BAALC: variants seen among roughly 807,000 people sequenced by gnomAD.
The protein encoded by BAALC is BAALC binder of MAP3K1 and KLF4.
BAALC carries 9 observed loss-of-function variants against 15.5 expected under a neutral mutation model. That is an observed-to-expected ratio of 0.58 (90% CI 0.35 to 1.02). BAALC has a LOEUF of 1.02. Ranked by LOEUF, BAALC falls within the 50% of genes least tolerant of loss-of-function variation. BAALC has a pLI of 0.02. For synonymous variants in BAALC, 80 were observed against 74.6 expected, an observed-to-expected ratio of 1.07 and a Z score of -0.37; for missense variants, 201 against 192.4, an observed-to-expected ratio of 1.04 and a Z score of -0.27.
chr8:103,154,809 T>C (rs974097676), intron 1 of BAALC: 5 of 154,480 alleles, frequency 3.2e-5, no homozygotes, highest in African/African-American at 9.6e-5. Flanking sequence ...TCTCTGCTAT[T>C]ATACTGTATA....
At chr8:103,172,637 C>T (rs1260091087) in intron 1 of BAALC, among the ~76,000 whole-genome samples, 5 of 151,922 alleles carry the variant, frequency 3.3e-5, no homozygotes, top group East Asian at 3.9e-4. Flanking sequence ...TCAGGTGGTC[C>T]CCCTGCCTCA....
At chr8:103,176,137 C>T (rs545330120) in intron 1 of BAALC, among the ~76,000 whole-genome samples, 84 of 152,222 alleles carry the variant, frequency 5.5e-4, no homozygotes, top group Non-Finnish European at 9.6e-4. Context: ...TGTGTGTGCA[C>T]GCTGATCAAG....
intron 1 of BAALC, among the ~76,000 whole-genome samples, chr8:103,190,413 T>C (rs566735402): frequency 6.6e-6 from 1 of 152,296 alleles, no homozygotes; most frequent in African/African-American, 2.4e-5. Context: ...ACCATGGTAA[T>C]AGGTCTAGCC....
chr8:103,200,761 T>G (rs1490194060), intron 1 of BAALC: 1 of 691,734 alleles, frequency 1.4e-6, no homozygotes, highest in East Asian at 2.7e-5. Context: ...TGTTCTCACA[T>G]GGTGGGTCAA....
At chr8:103,224,115 CTGTG>C (rs4002031) in intron 2 of BAALC, among the ~76,000 whole-genome samples, 34,194 of 150,730 alleles carry the variant, frequency 0.23, 4,016 homozygotes, top group Middle Eastern at 0.33. Context: ...CTGCGTGCGT[CTGTG>C]TGTGTGTGTG....
At chr8:103,154,939 T>A (rs72507595) in intron 1 of BAALC, among the ~76,000 whole-genome samples, 8 of 112,888 alleles carry the variant, frequency 7.1e-5, no homozygotes, top group Admixed American at 2.1e-4. Context: ...TATATATATA[T>A]AATATATATG....
rs554548327 is a variant in BAALC, at chr8:103,212,859, T to C, written c.161-60T>C. 40 of 1,509,650 alleles carry C rather than the reference T, an allele frequency of 2.6e-5. No individual in the cohort carries two copies. In the South Asian group the frequency reaches 5.0e-4, roughly 19 times the overall value. The allele number at this position is 1,509,650 out of a possible 1,614,324, so 93.5% of individuals were successfully genotyped here. ...TATCTGTTTCTCCACCATTTTGGGA[T>C]TGTTTGCAACATCTGCCATGTGCAA... On this transcript the variant is annotated intron_variant, in intron 1 of 2. Coordinates refer to ENST00000309982, the MANE Select transcript of BAALC (RefSeq NM_024812.3).
intron 1 of BAALC, among the ~76,000 whole-genome samples, chr8:103,198,550 A>ATG (rs148001489): frequency 0.053 from 8,131 of 152,088 alleles, 241 homozygotes; most frequent in South Asian, 0.1. Context: ...CTGTGTGTAT[A>ATG]TGTGTGTGTA....
chr8:103,223,747 T>C (rs1812735068), intron 2 of BAALC, among the ~76,000 whole-genome samples: 1 of 152,224 alleles, frequency 6.6e-6, no homozygotes, highest in South Asian at 2.1e-4. Context: ...AAGTACAGAC[T>C]GAAATAAAGA....
At chr8:103,214,582 GT>G (rs1206379365) in intron 2 of BAALC, among the ~76,000 whole-genome samples, 2 of 152,188 alleles carry the variant, frequency 1.3e-5, no homozygotes, top group Non-Finnish European at 2.9e-5. Context: ...GCCTCTCTAA[GT>G]TTTGGTCAGA....
intron 2 of BAALC, among the ~76,000 whole-genome samples, chr8:103,216,019 A>C (rs1160862878): frequency 3.3e-5 from 5 of 152,234 alleles, no homozygotes; most frequent in African/African-American, 1.2e-4. Flanking sequence ...AAATAGAATC[A>C]TACAAGTGTG....
At chr8:103,208,751 A>G (rs1812385502) in intron 1 of BAALC, among the ~76,000 whole-genome samples, 1 of 152,056 alleles carries the variant, frequency 6.6e-6, no homozygotes, top group South Asian at 2.1e-4. Context: ...CCTCCCTGGG[A>G]TATATTCCCT....
At chr8:103,196,693 C>T (rs1353538914) in intron 1 of BAALC, among the ~76,000 whole-genome samples, 2 of 152,170 alleles carry the variant, frequency 1.3e-5, no homozygotes, top group African/African-American at 4.8e-5. Context: ...TTAATTGGAT[C>T]ACCAAAGGTC....
At chr8:103,203,388 T>C (rs1812261015) in intron 1 of BAALC, among the ~76,000 whole-genome samples, 1 of 152,236 alleles carries the variant, frequency 6.6e-6, no homozygotes, top group Non-Finnish European at 1.5e-5. Context: ...CAATAAACAT[T>C]CCAAAATGTA....
chr8:103,217,459 A>G (rs1465158460), intron 2 of BAALC, among the ~76,000 whole-genome samples: 1 of 104,450 alleles, frequency 9.6e-6, no homozygotes, highest in African/African-American at 3.3e-5. Flanking sequence ...GGCCTTTGAT[A>G]TACTGTTTTT....
chr8:103,173,031 T>C (rs1003503736), intron 1 of BAALC, among the ~76,000 whole-genome samples: 1 of 152,260 alleles, frequency 6.6e-6, no homozygotes, highest in Admixed American at 6.5e-5. Context: ...ACATTGCTTT[T>C]AGTGGTAGAA....
chr8:103,176,296 G>A (rs940653475), intron 1 of BAALC, among the ~76,000 whole-genome samples: 1 of 152,126 alleles, frequency 6.6e-6, no homozygotes, highest in African/African-American at 2.4e-5. Flanking sequence ...CAGCAAGTAT[G>A]TACTGGCACT....
chr8:103,189,777 C>T (rs1423760183), intron 1 of BAALC, among the ~76,000 whole-genome samples: 1 of 152,182 alleles, frequency 6.6e-6, no homozygotes, highest in Non-Finnish European at 1.5e-5. Flanking sequence ...ACCATGAGCC[C>T]ACAGGATGGA....
At chr8:103,166,548 T>C (rs1811352132) in intron 1 of BAALC, among the ~76,000 whole-genome samples, 1 of 152,164 alleles carries the variant, frequency 6.6e-6, no homozygotes, top group South Asian at 2.1e-4. Flanking sequence ...ACAGTGACAC[T>C]GGCAAGGAGA....
Sources: allele counts gnomAD v4.1 joint callset (sites outside exome capture counted in the v4.1 genomes callset), GRCh38; gene constraint gnomAD v4.1.1; transcripts MANE v1.5; gene names NCBI Gene and HGNC (gene_info 2026-07-23, HGNC 2026-07-21).